ST18: variants seen among roughly 807,000 people sequenced by gnomAD.
ST18 encodes the protein suppression of tumorigenicity 18 protein.
Under a neutral mutation model 110.0 loss-of-function variants are expected in ST18, and 50 were observed. The observed-to-expected ratio is 0.45, with a 90% CI of 0.36 to 0.58. ST18 has a LOEUF of 0.58. Among genes scored for constraint, ST18 ranks in the 20% least tolerant of loss-of-function variants. The probability of loss-of-function intolerance (pLI) is 0.00; values close to 1 mark genes in which losing one functional copy is unlikely to be tolerated. For missense variants in ST18, 1,306 were observed against 1,280.1 expected, an observed-to-expected ratio of 1.02 and a Z score of -0.31; for synonymous variants, 461 against 452.4, an observed-to-expected ratio of 1.02 and a Z score of -0.24.
At chr8:52,201,730 T>C (rs377609001) in intron 8 of ST18, among the ~76,000 whole-genome samples, 5 of 152,314 alleles carry the variant, frequency 3.3e-5, no homozygotes, top group African/African-American at 1.2e-4. Flanking sequence ...GGCAGTCACT[T>C]TGCTTCCTGA....
chr8:52,287,150 C>G (rs959464658), intron 2 of ST18, among the ~76,000 whole-genome samples: 3 of 152,096 alleles, frequency 2.0e-5, no homozygotes, highest in African/African-American at 7.2e-5. Context: ...TAAACATTAA[C>G]AGCAGGATGG....
intron 2 of ST18, among the ~76,000 whole-genome samples, chr8:52,314,217 C>T (rs1317262160): frequency 6.6e-6 from 1 of 152,186 alleles, no homozygotes; most frequent in Non-Finnish European, 1.5e-5. Flanking sequence ...TCCAACACTC[C>T]TAATTGAGAA....
At chr8:52,262,762 C>T (rs1457517105) in intron 2 of ST18, among the ~76,000 whole-genome samples, 3 of 152,216 alleles carry the variant, frequency 2.0e-5, no homozygotes, top group Admixed American at 6.5e-5. Flanking sequence ...TTGCCCAAGG[C>T]TGCCTTTGCA....
chr8:52,389,840 G>A (rs1357193438), intron 2 of ST18, among the ~76,000 whole-genome samples: 3 of 152,190 alleles, frequency 2.0e-5, no homozygotes, highest in Non-Finnish European at 2.9e-5. Flanking sequence ...ACCAGAGACC[G>A]GGTAGTGGCG....
At chr8:52,139,923 A>T (rs2054238351) in intron 17 of ST18, among the ~76,000 whole-genome samples, 1 of 152,180 alleles carries the variant, frequency 6.6e-6, no homozygotes, top group Non-Finnish European at 1.5e-5. Flanking sequence ...TTACATAATG[A>T]CATGTGCCAA....
intron 17 of ST18, chr8:52,137,686 T>G (rs1050465177): frequency 2.0e-5 from 10 of 509,414 alleles, no homozygotes; most frequent in Non-Finnish European, 3.4e-5. Flanking sequence ...CATAGCATGA[T>G]GAGTTACTTC....
At position 52,123,377 on chromosome 8, in the gene ST18, TTTA is replaced by T. The variant is rs2045749258; in HGVS notation, c.2755+2672_2755+2674del. On this transcript the variant is annotated intron_variant, in intron 23 of 25. Transcript: ENST00000689386. ...TTTTTAATGTCTGAAGGTGTGTTGG[TTTA>T]CATCTACTTTAAAGATCATCCAGAG... Among the ~76,000 whole-genome samples, 8 of 152,336 alleles carry T rather than the reference TTTA, an allele frequency of 5.3e-5. No individual in the cohort carries two copies. The South Asian group carries it at 1.7e-3, about 32-fold the overall frequency.
intron 8 of ST18, chr8:52,201,166 G>A (rs970630483): frequency 4.6e-5 from 7 of 152,402 alleles, no homozygotes; most frequent in Admixed American, 2.0e-4. Flanking sequence ...TGCAATGTTG[G>A]GAAGCCAAGT....
chr8:52,380,978 C>G (rs1472282226), intron 2 of ST18, among the ~76,000 whole-genome samples: 2 of 152,292 alleles, frequency 1.3e-5, no homozygotes, highest in Non-Finnish European at 1.5e-5. Flanking sequence ...AATCATCTCT[C>G]CTTCTGGTAT....
chr8:52,403,814 AT>A (rs1843582228), intron 2 of ST18: 1 of 152,226 alleles, frequency 6.6e-6, no homozygotes, highest in Non-Finnish European at 1.5e-5. Context: ...TCTTAATATG[AT>A]TGTAAGTAAC....
At chr8:52,400,823 T>C (rs1842620856) in intron 2 of ST18, among the ~76,000 whole-genome samples, 2 of 152,174 alleles carry the variant, frequency 1.3e-5, no homozygotes, top group South Asian at 2.1e-4. Context: ...TTTTGATGTT[T>C]AACCTTCATA....
At chr8:52,351,930 A>C (rs1820547306) in intron 2 of ST18, among the ~76,000 whole-genome samples, 2 of 152,240 alleles carry the variant, frequency 1.3e-5, no homozygotes, top group Non-Finnish European at 2.9e-5. Flanking sequence ...CATTGGTACA[A>C]ATGTGTGTTA....
chr8:52,177,482 G>T (rs2134041381), intron 9 of ST18, among the ~76,000 whole-genome samples: 1 of 152,242 alleles, frequency 6.6e-6, no homozygotes, highest in East Asian at 1.9e-4. Flanking sequence ...TGAGAGGCTA[G>T]ATGAAAAGCC....
intron 2 of ST18, among the ~76,000 whole-genome samples, chr8:52,231,497 T>C (rs915993950): frequency 6.6e-6 from 1 of 152,082 alleles, no homozygotes. Flanking sequence ...TTTTTTTTTT[T>C]TGACGGAGTC....
At chr8:52,389,788 G>A (rs1838623776) in intron 2 of ST18, among the ~76,000 whole-genome samples, 1 of 152,218 alleles carries the variant, frequency 6.6e-6, no homozygotes, top group African/African-American at 2.4e-5. Context: ...TCTCTGAAGA[G>A]CCAGCCGGAG....
intron 2 of ST18, among the ~76,000 whole-genome samples, chr8:52,233,470 C>T (rs1447448794): frequency 6.6e-6 from 1 of 152,072 alleles, no homozygotes; most frequent in Non-Finnish European, 1.5e-5. Flanking sequence ...CCTAATCCTA[C>T]AGATCTAGGA....
chr8:52,293,602 G>A (rs963848951), intron 2 of ST18, among the ~76,000 whole-genome samples: 1 of 152,088 alleles, frequency 6.6e-6, no homozygotes, highest in South Asian at 2.1e-4. Context: ...TCCAGAGCAT[G>A]GTTCTTGCAG....
At chr8:52,252,632 A>G (rs2094367962) in intron 2 of ST18, among the ~76,000 whole-genome samples, 1 of 152,004 alleles carries the variant, frequency 6.6e-6, no homozygotes, top group African/African-American at 2.4e-5. Flanking sequence ...TTAAAATATA[A>G]AAGCTTTTAA....
At position 52,165,158 on chromosome 8, in the gene ST18, G is replaced by A. The variant is rs557205165; in HGVS notation, c.1272C>T (p.Asn424=). ...TPGCTGRGHV[N]SNRNTHRSLS... ...ACCTCCTGTGGGTGTTGCGGTTGCT[G>A]TTCACATGACCCCTTCCTGTGCATC... Residue 424 remains asparagine, a synonymous_variant, in exon 12 of 26, where the codon AAC becomes AAT. Coordinates refer to ENST00000689386, the MANE Select transcript of ST18 (RefSeq NM_001352837.2). 6 of 1,614,200 alleles carry A rather than the reference G, an allele frequency of 3.7e-6. No homozygotes were observed. In the South Asian group the frequency reaches 6.6e-5, roughly 18 times the overall value.
Sources: allele counts gnomAD v4.1 joint callset (sites outside exome capture counted in the v4.1 genomes callset), GRCh38; gene constraint gnomAD v4.1.1; transcripts MANE v1.5; gene names NCBI Gene and HGNC (gene_info 2026-07-23, HGNC 2026-07-21).